The following CKAP5 variants were observed in gnomAD, a reference collection of about 807,000 sequenced individuals.
CKAP5 encodes the protein cytoskeleton associated protein 5.
In CKAP5, 27 loss-of-function variants were observed where a neutral mutation model predicts 232.8. The ratio of observed to expected loss-of-function variants is 0.12; its 90% CI spans 0.09 to 0.16. The LOEUF (loss-of-function observed/expected upper bound fraction) is 0.16, where lower values mean the gene tolerates loss of function less well. CKAP5 is among the 10% of genes least tolerant of loss of function. The pLI is 1.00. For synonymous variants in CKAP5, 785 were observed against 841.1 expected, an observed-to-expected ratio of 0.93 and a Z score of 1.16; for missense variants, 1,838 against 2,424.7, an observed-to-expected ratio of 0.76 and a Z score of 5.08.
At chr11:46,771,048 G>A (rs2065243114) in intron 24 of CKAP5, 66 bp from the exon 25 acceptor site, 1 of 1,378,328 alleles carries the variant, frequency 7.3e-7, no homozygotes, top group African/African-American at 1.4e-5. Flanking sequence ...ATGATCTCAG[G>A]CTTACTGATT....
At chr11:46,809,276 A>C (rs1041524929) in intron 7 of CKAP5, 124 bp downstream of exon 7, 1 of 633,108 alleles carries the variant, frequency 1.6e-6, no homozygotes, top group Non-Finnish European at 2.8e-6. Context: ...CAACTAACTC[A>C]CTCTACTAGG....
At chr11:46,762,235 T>C (rs929651048) in intron 31 of CKAP5, 42 bp from the exon 32 acceptor site, 4 of 1,580,852 alleles carry the variant, frequency 2.5e-6, no homozygotes, top group Non-Finnish European at 3.5e-6. Context: ...CAACACATAT[T>C]TGGGACAGAG....
At chr11:46,756,178 C>T (rs1432232188) in intron 35 of CKAP5, among the ~76,000 whole-genome samples, 2 of 152,198 alleles carry the variant, frequency 1.3e-5, no homozygotes, top group African/African-American at 2.4e-5. Context: ...TTGGCAAGTT[C>T]TGTGGATTCT....
intron 42 of CKAP5, 104 bp downstream of exon 42, chr11:46,750,170 A>T: frequency 8.9e-7 from 1 of 1,125,474 alleles, no homozygotes; most frequent in Admixed American, 2.3e-5. Flanking sequence ...GTGACCATTA[A>T]GTATTGAGGT....
At chr11:46,758,583 C>T (rs535500935) in intron 35 of CKAP5, among the ~76,000 whole-genome samples, 1 of 152,212 alleles carries the variant, frequency 6.6e-6, no homozygotes, top group African/African-American at 2.4e-5. Context: ...GTTGTCCCAG[C>T]TACTCAGGAA....
chr11:46,778,220 A>T lies in CKAP5; in HGVS notation c.2667T>A (p.Asn889Lys), dbSNP rs1271770595. 2 of 1,614,076 alleles carry T rather than the reference A, an allele frequency of 1.2e-6. No individual in the cohort carries two copies. Among genetic ancestry groups the T allele is most frequent in the Non-Finnish European group, 1.7e-6 (2 of 1,179,950 alleles). The change falls in exon 22 of 44, where the codon AAT (asparagine) becomes AAA (lysine). Residue 889 changes from asparagine to lysine, a missense_variant. Coordinates refer to ENST00000529230, the MANE Select transcript of CKAP5 (RefSeq NM_001008938.4). ...TATTCGGTTGGATAAATTTTGCGTCATTAATAATACCTGCCACTTCATCTA... is the reference window on the plus strand; with the variant it reads ...TATTCGGTTGGATAAATTTTGCGTCTTTAATAATACCTGCCACTTCATCTA... ...EGLDEVAGII[N>K]DAKFIQPNIG... is the part of the protein sequence containing the mutation.
At chr11:46,792,117 T>C (rs1316495559) in intron 13 of CKAP5, among the ~76,000 whole-genome samples, 1 of 152,216 alleles carries the variant, frequency 6.6e-6, no homozygotes, top group Non-Finnish European at 1.5e-5. Flanking sequence ...AATGGAAAAT[T>C]CTGTACTCTT....
chr11:46,821,127 A>T, intron 2 of CKAP5, 48 bp downstream of exon 2: 1 of 1,424,094 alleles, frequency 7.0e-7, no homozygotes, highest in Non-Finnish European at 9.9e-7. Flanking sequence ...ATAACTGCTC[A>T]CAAAACAAGC....
intron 4 of CKAP5, among the ~76,000 whole-genome samples, chr11:46,815,610 C>T (rs1939380602): frequency 6.6e-6 from 1 of 152,188 alleles, no homozygotes; most frequent in Admixed American, 6.5e-5. Context: ...AAGCCTAATT[C>T]TTAATCTGAT....
intron 13 of CKAP5, among the ~76,000 whole-genome samples, chr11:46,792,923 A>T (rs1938775547): frequency 6.6e-6 from 1 of 152,212 alleles, no homozygotes. Flanking sequence ...CCAAGGAGAC[A>T]GCATAATGTG....
At chr11:46,784,342 G>A (rs1396527505) in intron 17 of CKAP5, 146 bp downstream of exon 17, 16 of 662,728 alleles carry the variant, frequency 2.4e-5, no homozygotes, top group East Asian at 1.1e-4. Context: ...CAGCCTGGGC[G>A]ACAGAGTGAA....
At chr11:46,748,081 CA>C (rs936757657) in intron 42 of CKAP5, among the ~76,000 whole-genome samples, 2 of 151,910 alleles carry the variant, frequency 1.3e-5, no homozygotes, top group Non-Finnish European at 2.9e-5. Flanking sequence ...TGGAGTGAAA[CA>C]ACAGGAAGAG....
rs771702792 is a variant in CKAP5 at position 46,795,675 on chromosome 11, A to C, written c.1569T>G (p.Ala523=). The C allele has an allele frequency of 5.2e-5, 84 of 1,614,010 alleles. No individual in the cohort carries two copies. The highest frequency in any genetic ancestry group is 6.7e-5 in the Non-Finnish European group (79 of 1,180,010). ...EFKPLPGRTA[A]SGAAGDKDTK... ...TGTCCTTATCTCCTGCAGCCCCTGA[A>C]GCAGCAGTCCTTCCAGGCAGAGGTT... The change falls in exon 13 of 44, where the codon GCT becomes GCG. Residue 523 remains alanine, a synonymous_variant. Transcript: ENST00000529230.
rs2065291515 is a variant in CKAP5, at chr11:46,776,374, G to A, written c.2872C>T (p.Arg958Ter). 1 of 1,610,520 alleles carries A rather than the reference G, an allele frequency of 6.2e-7. No homozygotes were observed. Residue 958 changes from arginine (R) to a stop codon, truncating the protein, a stop_gained, in exon 24 of 44, where the codon CGA (arginine) becomes TGA (stop). Transcript: ENST00000529230. LOFTEE classifies it high-confidence loss of function. ...TTCACAGTCGCTAGGGCAGCAGCTC[G>A]AACATTGTTCTAAATGGAGAAGATA... The part of the protein sequence containing the change: ...TVLGDSKNNV[R>*]AAALATVNAW...
intron 35 of CKAP5, among the ~76,000 whole-genome samples, chr11:46,756,275 TG>T (rs2065110146): frequency 6.6e-6 from 1 of 152,240 alleles, no homozygotes; most frequent in African/African-American, 2.4e-5. Flanking sequence ...ATATAAATTT[TG>T]GCCACAACTT....
At chr11:46,753,518 C>A in intron 36 of CKAP5, 21 bp from the exon 37 acceptor site, 1 of 1,578,516 alleles carries the variant, frequency 6.3e-7, no homozygotes, top group South Asian at 1.1e-5. Flanking sequence ...ATACTTGTGT[C>A]AGGGAGGTGT....
chr11:46,744,927 G>A lies in CKAP5; in HGVS notation c.5705-350C>T, dbSNP rs527779454. 7.2e-5 allele frequency among the ~76,000 whole-genome samples: 11 copies of A among 152,272 alleles called. 1 individual carries two copies. Among genetic ancestry groups the A allele is most frequent in the African/African-American group, 1.9e-4 (8 of 41,550 alleles). On this transcript the variant is annotated intron_variant, in intron 42 of 43. Coordinates refer to ENST00000529230, the MANE Select transcript of CKAP5 (RefSeq NM_001008938.4). ...CTGTAATTGCCCAACTGAAAAACCCGAGGACCTTAAATGTTTGGAAGAATT... is the reference window on the plus strand; with the variant it reads ...CTGTAATTGCCCAACTGAAAAACCCAAGGACCTTAAATGTTTGGAAGAATT...
intron 22 of CKAP5, 142 bp from the exon 23 acceptor site, chr11:46,777,694 T>C: frequency 1.7e-6 from 1 of 591,466 alleles, no homozygotes; most frequent in Non-Finnish European, 3.0e-6. Context: ...GTCATGCTAT[T>C]CGACTTAGAT....
intron 30 of CKAP5, 83 bp downstream of exon 30, chr11:46,762,893 A>G (rs971874288): frequency 2.0e-6 from 3 of 1,466,322 alleles, no homozygotes; most frequent in African/African-American, 1.4e-5. Context: ...ATAATCAGTA[A>G]AAAAGGGAGA....
Sources: gnomAD v4.1 joint callset for allele counts (sites outside exome capture counted in the v4.1 genomes callset) on GRCh38, gnomAD v4.1.1 for gene constraint, MANE v1.5 for transcripts, NCBI Gene and HGNC (gene_info 2026-07-23, HGNC 2026-07-21) for gene names.